SLC20A2: variants seen among roughly 807,000 people sequenced by gnomAD.
SLC20A2 encodes the protein sodium-dependent phosphate transporter 2.
In SLC20A2, 30 loss-of-function variants were observed where a neutral mutation model predicts 61.0. That is an observed-to-expected ratio of 0.49 (90% CI 0.37 to 0.67). The LOEUF (loss-of-function observed/expected upper bound fraction) is 0.67, where lower values mean the gene tolerates loss of function less well. SLC20A2 is among the 30% of genes least tolerant of loss of function. SLC20A2 has a pLI of 0.00. For missense variants in SLC20A2, 626 were observed against 866.4 expected (o/e 0.72, Z 3.48); for synonymous variants, 351 against 353.3 (o/e 0.99, Z 0.07).
At chr8:42,507,736 G>A (rs1470245988) in intron 1 of SLC20A2, among the ~76,000 whole-genome samples, 2 of 152,234 alleles carry the variant, frequency 1.3e-5, no homozygotes, top group Non-Finnish European at 2.9e-5. Context: ...GGCTCATAAT[G>A]TGATGAGTCA....
At chr8:42,508,469 C>T (rs140298564) in intron 1 of SLC20A2, among the ~76,000 whole-genome samples, 3,806 of 152,292 alleles carry the variant, frequency 0.025, 119 homozygotes, top group African/African-American at 0.073. Flanking sequence ...CAGCTCACTG[C>T]AGCCTCCACT....
intron 9 of SLC20A2, among the ~76,000 whole-genome samples, chr8:42,429,678 G>C (rs1170962955): frequency 1.3e-5 from 2 of 152,212 alleles, no homozygotes; most frequent in East Asian, 1.9e-4. Context: ...TGGTTGCTGA[G>C]AGCTGGGGTG....
chr8:42,436,936 C>A, intron 8 of SLC20A2, 53 bp downstream of exon 8: 1 of 1,498,750 alleles, frequency 6.7e-7, no homozygotes, highest in South Asian at 1.3e-5. Flanking sequence ...ACAGCGCTGG[C>A]CCCTGGCGGA....
intron 1 of SLC20A2, among the ~76,000 whole-genome samples, chr8:42,540,251 C>T (rs1813007483): frequency 6.6e-6 from 1 of 152,186 alleles, no homozygotes; most frequent in African/African-American, 2.4e-5. Flanking sequence ...AAGACAGTGC[C>T]ATTGCACTCC....
intron 8 of SLC20A2, among the ~76,000 whole-genome samples, chr8:42,435,865 C>A (rs117427807): frequency 0.025 from 3,818 of 152,206 alleles, 114 homozygotes; most frequent in South Asian, 0.07. Flanking sequence ...ACCTGTAATT[C>A]CAGCACTTTG....
intron 1 of SLC20A2, among the ~76,000 whole-genome samples, chr8:42,488,315 A>G (rs1413214973): frequency 4.0e-5 from 6 of 148,696 alleles, no homozygotes; most frequent in Non-Finnish European, 7.4e-5. Flanking sequence ...TCTCCTGAGT[A>G]GCAGGGATTA....
Position 42,465,886 on chromosome 8 carries a change from G to A in SLC20A2, c.321C>T (p.Phe107=), listed in dbSNP as rs747407572. 1.4e-5 allele frequency: 22 copies of A among 1,612,836 alleles called. 1 individual carries two copies. In the South Asian group the frequency reaches 2.0e-4, roughly 15 times the overall value. Residue 107 remains phenylalanine (F), a synonymous_variant, in exon 3 of 11, where the codon TTC becomes TTT. Transcript: ENST00000520262. ...GSAVWQLIAS[F]LRLPISGTHC... The stretch of plus-strand genomic sequence containing the variant: ...GCGTTCCTGAGATTGGAAGCCTCAG[G>A]AAGGAAGCAATCAGCTGCCACACAG...
At chr8:42,445,247 G>A (rs999721011) in intron 5 of SLC20A2, among the ~76,000 whole-genome samples, 3 of 152,026 alleles carry the variant, frequency 2.0e-5, no homozygotes, top group Non-Finnish European at 4.4e-5. Flanking sequence ...AGCCGAGATT[G>A]CACCACTGCA....
At chr8:42,505,112 T>C (rs1250445707), upstream of SLC20A2, among the ~76,000 whole-genome samples, 1 of 143,954 alleles carries the variant, frequency 6.9e-6, no homozygotes, top group Admixed American at 7.0e-5. Flanking sequence ...CCCCAACCTT[T>C]TTTTTTTTTT....
chr8:42,504,634 G>A (rs1810523867), upstream of SLC20A2, among the ~76,000 whole-genome samples: 1 of 151,548 alleles, frequency 6.6e-6, no homozygotes, highest in Non-Finnish European at 1.5e-5. Flanking sequence ...ACGAGGTCAG[G>A]AGTTCAAGAC....
chr8:42,423,518 A>G (rs933715144), intron 10 of SLC20A2, among the ~76,000 whole-genome samples: 1 of 152,046 alleles, frequency 6.6e-6, no homozygotes, highest in Non-Finnish European at 1.5e-5. Flanking sequence ...AGAGATTTTT[A>G]TCATGGTCTT....
At chr8:42,422,334 C>T (rs1457353271) in intron 10 of SLC20A2, among the ~76,000 whole-genome samples, 5 of 152,066 alleles carry the variant, frequency 3.3e-5, no homozygotes, top group Admixed American at 2.0e-4. Flanking sequence ...ATTACAGGCA[C>T]GAGCCACCAT....
chr8:42,427,140 C>T (rs1803469478), intron 10 of SLC20A2, among the ~76,000 whole-genome samples: 1 of 152,256 alleles, frequency 6.6e-6, no homozygotes, highest in Admixed American at 6.5e-5. Flanking sequence ...GAGGAGGACG[C>T]TGGCCATGCC....
At chr8:42,537,369 T>TCA (rs1812775816) in intron 1 of SLC20A2, among the ~76,000 whole-genome samples, 2 of 43,016 alleles carry the variant, frequency 4.6e-5, no homozygotes, top group Non-Finnish European at 8.1e-5. Flanking sequence ...AGACCCTGTC[T>TCA]CAAAAAAAAA....
intron 1 of SLC20A2, among the ~76,000 whole-genome samples, chr8:42,537,073 T>A (rs76934674): frequency 1.5e-3 from 194 of 130,478 alleles, no homozygotes; most frequent in South Asian, 1.7e-3. Flanking sequence ...GGAGTCTGTT[T>A]AAAAAAAAAA....
At chr8:42,489,268 C>T (rs1809318308) in intron 1 of SLC20A2, among the ~76,000 whole-genome samples, 1 of 152,028 alleles carries the variant, frequency 6.6e-6, no homozygotes, top group Non-Finnish European at 1.5e-5. Context: ...TAATTTCTAT[C>T]TCTTCATGAA....
intron 5 of SLC20A2, among the ~76,000 whole-genome samples, chr8:42,455,223 TAAAA>T (rs1167685475): frequency 0.021 from 1,018 of 49,568 alleles, 31 homozygotes; most frequent in African/African-American, 0.089. Flanking sequence ...AGACTCCGTC[TAAAA>T]AAAAAAAAAA....
At chr8:42,448,020 C>T (rs2131075058) in intron 5 of SLC20A2, among the ~76,000 whole-genome samples, 1 of 152,364 alleles carries the variant, frequency 6.6e-6, no homozygotes, top group South Asian at 2.1e-4. Flanking sequence ...CAAGGCTTCC[C>T]AGCGTCTGCT....
intron 3 of SLC20A2, among the ~76,000 whole-genome samples, chr8:42,464,230 C>T (rs1444223136): frequency 6.7e-6 from 1 of 149,276 alleles, no homozygotes; most frequent in Non-Finnish European, 1.5e-5. Flanking sequence ...ACCTCAGCCT[C>T]CTGAGTAGCT....
Sources: allele counts gnomAD v4.1 joint callset (sites outside exome capture counted in the v4.1 genomes callset), GRCh38; gene constraint gnomAD v4.1.1; transcripts MANE v1.5; gene names NCBI Gene and HGNC (gene_info 2026-07-23, HGNC 2026-07-21).